THSD4: variants seen among roughly 807,000 people sequenced by gnomAD.
The protein encoded by THSD4 is thrombospondin type-1 domain-containing protein 4.
Under a neutral mutation model 119.0 loss-of-function variants are expected in THSD4, and 69 were observed. That is an observed-to-expected ratio of 0.58 (90% confidence interval 0.48 to 0.71). THSD4 has a LOEUF of 0.71. THSD4 is among the 30% of genes least tolerant of loss of function. The pLI, the probability that THSD4 is intolerant of heterozygous loss-of-function variation, is 0.00. For synonymous variants in THSD4, 524 were observed against 540.4 expected (o/e 0.97, Z 0.42); for missense variants, 1,393 against 1,391.1 (o/e 1.00, Z -0.02).
At chr15:71,554,771 A>G (rs530295165) in intron 7 of THSD4, among the ~76,000 whole-genome samples, 1 of 151,690 alleles carries the variant, frequency 6.6e-6, no homozygotes, top group South Asian at 2.1e-4. Flanking sequence ...CCGTAACACC[A>G]TCCAGCTCTT....
chr15:71,595,898 G>T (rs1357282405), intron 7 of THSD4, among the ~76,000 whole-genome samples: 1 of 152,208 alleles, frequency 6.6e-6, no homozygotes, highest in Admixed American at 6.5e-5. Context: ...ACTTGTGTCT[G>T]TGTTTTTGTT....
intron 8 of THSD4, among the ~76,000 whole-genome samples, chr15:71,713,817 T>C (rs981711854): frequency 2.6e-5 from 4 of 152,184 alleles, no homozygotes; most frequent in Admixed American, 6.5e-5. Context: ...AGGGAAAGCA[T>C]TGATGTTTTA....
chr15:71,394,286 TTTTTG>T (rs1158209692), intron 6 of THSD4, among the ~76,000 whole-genome samples: 1 of 149,160 alleles, frequency 6.7e-6, no homozygotes, highest in Non-Finnish European at 1.5e-5. Context: ...TTTTTTTTTT[TTTTTG>T]AGACGGAGTT....
chr15:71,572,723 C>A (rs934434857), intron 7 of THSD4, among the ~76,000 whole-genome samples: 3 of 151,860 alleles, frequency 2.0e-5, no homozygotes, highest in Non-Finnish European at 4.4e-5. Flanking sequence ...TTTTCCAAGT[C>A]GGAAAGTAGG....
intron 5 of THSD4, among the ~76,000 whole-genome samples, chr15:71,248,594 G>A (rs992047346): frequency 6.6e-6 from 1 of 152,154 alleles, no homozygotes; most frequent in African/African-American, 2.4e-5. Flanking sequence ...GCAGCTTTTA[G>A]CAAACATGGA....
intron 6 of THSD4, among the ~76,000 whole-genome samples, chr15:71,387,794 C>G (rs1046228806): frequency 2.9e-4 from 44 of 152,204 alleles, no homozygotes; most frequent in African/African-American, 1.0e-3. Flanking sequence ...GAATCCTGGT[C>G]AGCACAGCTT....
At chr15:71,306,307 C>CAAAAAAAA (rs67260180) in intron 6 of THSD4, among the ~76,000 whole-genome samples, 9 of 62,940 alleles carry the variant, frequency 1.4e-4, no homozygotes, top group African/African-American at 6.0e-4. Context: ...ACTCTTGCCT[C>CAAAAAAAA]AAAAAAAAAA....
chr15:71,114,365 C>T (rs1026039767), upstream of THSD4, among the ~76,000 whole-genome samples: 1 of 152,112 alleles, frequency 6.6e-6, no homozygotes, highest in Non-Finnish European at 1.5e-5. Context: ...TCTCGGTATA[C>T]CTGCACTTTC....
chr15:71,145,710 G>C (rs1204765815), intron 2 of THSD4, among the ~76,000 whole-genome samples: 4 of 152,202 alleles, frequency 2.6e-5, no homozygotes, highest in African/African-American at 9.6e-5. Context: ...AGGTACAATT[G>C]ATCAGTGAAA....
At chr15:71,763,871 C>G (rs1030167062) in intron 15 of THSD4, among the ~76,000 whole-genome samples, 2 of 152,108 alleles carry the variant, frequency 1.3e-5, no homozygotes, top group Non-Finnish European at 2.9e-5. Flanking sequence ...TCAAGACCAG[C>G]CTGGGCAACA....
chr15:71,297,332 G>A (rs867154094), intron 6 of THSD4, among the ~76,000 whole-genome samples: 18 of 120,626 alleles, frequency 1.5e-4, no homozygotes, highest in Non-Finnish European at 2.8e-4. Flanking sequence ...TTGTTTGTTT[G>A]TTTGTTTGTT....
intron 6 of THSD4, among the ~76,000 whole-genome samples, chr15:71,267,732 C>T (rs919512496): frequency 1.4e-4 from 21 of 152,096 alleles, no homozygotes; most frequent in African/African-American, 5.1e-4. Context: ...TGTGCTAAGA[C>T]ACACATAGGC....
chr15:71,411,981 C>T (rs8040015), intron 7 of THSD4, among the ~76,000 whole-genome samples, 158 bp downstream of exon 7: 27,378 of 152,154 alleles, frequency 0.18, 3,044 homozygotes, highest in Admixed American at 0.27. Flanking sequence ...GATGGGGCTG[C>T]TTGGTCAGCC....
intron 14 of THSD4, among the ~76,000 whole-genome samples, chr15:71,754,498 TC>T (rs2053504341): frequency 6.6e-6 from 1 of 151,732 alleles, no homozygotes; most frequent in Non-Finnish European, 1.5e-5. Context: ...AACAAACAAA[TC>T]CTTTAGCCTA....
chr15:71,140,950 A>G (rs2040597245), intron 1 of THSD4, among the ~76,000 whole-genome samples: 1 of 152,248 alleles, frequency 6.6e-6, no homozygotes, highest in Admixed American at 6.5e-5. Flanking sequence ...GAATCATATA[A>G]TGCATGCTAT....
intron 16 of THSD4, chr15:71,767,797 T>C (rs1319738004): frequency 1.3e-5 from 2 of 152,190 alleles, no homozygotes; most frequent in Non-Finnish European, 2.9e-5. Context: ...AGCATATATG[T>C]AAGTTAGGTT....
intron 14 of THSD4, among the ~76,000 whole-genome samples, chr15:71,753,324 C>G (rs552014250): frequency 1.3e-5 from 2 of 152,066 alleles, no homozygotes; most frequent in Admixed American, 6.5e-5. Context: ...TTAATCACAA[C>G]AGGAAAAAAA....
At chr15:71,187,337 C>G (rs2141433811) in intron 3 of THSD4, 1 of 152,828 alleles carries the variant, frequency 6.5e-6, no homozygotes, top group East Asian at 1.9e-4. Flanking sequence ...TTCTATTACT[C>G]TTGTGCCTTT....
At chr15:71,506,310 G>A (rs575728368) in intron 7 of THSD4, among the ~76,000 whole-genome samples, 13 of 152,198 alleles carry the variant, frequency 8.5e-5, no homozygotes, top group South Asian at 4.2e-4. Context: ...TGCATTACCC[G>A]TCAGGATGAG....
Sources: allele counts gnomAD v4.1 joint callset (sites outside exome capture counted in the v4.1 genomes callset), GRCh38; gene constraint gnomAD v4.1.1; transcripts MANE v1.5; gene names NCBI Gene and HGNC (gene_info 2026-07-23, HGNC 2026-07-21).